Variants in MIPOL1 observed in about 807,000 individuals in gnomAD.
The protein encoded by MIPOL1 is mirror-image polydactyly gene 1 protein.
A neutral mutation model predicts 60.9 loss-of-function variants in MIPOL1; 57 were observed. The observed-to-expected ratio is 0.94, with a 90% CI of 0.76 to 1.17. The LOEUF is 1.17. Among genes scored for constraint, MIPOL1 ranks in the 50% most tolerant of loss-of-function variants. The pLI is 0.00. For missense variants in MIPOL1, 551 were observed against 511.6 expected, an observed-to-expected ratio of 1.08 and a Z score of -0.74; for synonymous variants, 179 against 168.8, an observed-to-expected ratio of 1.06 and a Z score of -0.47.
chr14:37,285,350 G>T lies in MIPOL1; in HGVS notation c.526G>T (p.Glu176Ter). The change falls in exon 7 of 13, where the codon GAA becomes TAA. Residue 176 changes from glutamate to a stop codon, truncating the protein, a stop_gained. Transcript: ENST00000684589. LOFTEE classifies it high-confidence loss of function. ...LVEEVYFAQK[E>*]RDEAVMSRLQ... ...TGAAGAAGTGTATTTTGCGCAGAAG[G>T]AACGTGATGAAGCTGTTATGTCTAG... 6.2e-7 allele frequency: 1 copy of T among 1,614,010 alleles called. No individual in the cohort carries two copies. The highest frequency in any genetic ancestry group is 1.7e-5 in the Admixed American group (1 of 60,004).
chr14:37,403,736 G>A (rs1436555679), intron 10 of MIPOL1, among the ~76,000 whole-genome samples: 2 of 152,086 alleles, frequency 1.3e-5, no homozygotes, highest in African/African-American at 4.8e-5. Flanking sequence ...CCTGTTAATT[G>A]TCCTGATGTC....
At chr14:37,357,244 G>T (rs2091908853) in intron 9 of MIPOL1, among the ~76,000 whole-genome samples, 2 of 152,200 alleles carry the variant, frequency 1.3e-5, no homozygotes, top group African/African-American at 4.8e-5. Context: ...CAGTTTGCAA[G>T]TATTTTCTCC....
intron 11 of MIPOL1, among the ~76,000 whole-genome samples, chr14:37,491,860 C>T (rs913909311): frequency 4.6e-5 from 7 of 152,174 alleles, no homozygotes; most frequent in Admixed American, 6.5e-5. Flanking sequence ...ACTAGACTGT[C>T]TGATTTGCAG....
In MIPOL1 at chr14:37,328,103, C is replaced by G. The variant is rs768530517; in HGVS notation, c.828+19584C>G. ...TCTCTGCTCACTGCAACCTCCACCC[C>G]CCAAGTTCAATCAATTCTTCTGCCC... On this transcript the variant is annotated intron_variant, in intron 9 of 12. Coordinates refer to ENST00000684589, the MANE Select transcript of MIPOL1 (RefSeq NM_001388067.1). Among the ~76,000 whole-genome samples, 15 of 152,180 alleles carry G rather than the reference C, an allele frequency of 9.9e-5. No homozygotes were observed. The South Asian group carries it at 1.0e-3, about 11-fold the overall frequency.
chr14:37,208,652 G>T (rs1966484624), intron 1 of MIPOL1, among the ~76,000 whole-genome samples: 1 of 152,170 alleles, frequency 6.6e-6, no homozygotes, highest in South Asian at 2.1e-4. Flanking sequence ...ACAGTGCAGT[G>T]GCACAGTCTT....
At chr14:37,295,518 TAA>T (rs1460875962) in intron 7 of MIPOL1, among the ~76,000 whole-genome samples, 3 of 152,114 alleles carry the variant, frequency 2.0e-5, no homozygotes, top group African/African-American at 4.8e-5. Flanking sequence ...GCAAGTTGGA[TAA>T]AGAGTCAAGA....
chr14:37,374,056 A>AT (rs2153502153), intron 10 of MIPOL1, among the ~76,000 whole-genome samples: 1 of 152,164 alleles, frequency 6.6e-6, no homozygotes, highest in East Asian at 1.9e-4. Context: ...TTGTTTCTTG[A>AT]TTTTTTAATG....
At chr14:37,325,035 A>C (rs2088998013) in intron 9 of MIPOL1, among the ~76,000 whole-genome samples, 1 of 152,074 alleles carries the variant, frequency 6.6e-6, no homozygotes, top group African/African-American at 2.4e-5. Context: ...TTTTCCTGTA[A>C]TCGTTAAGAG....
At position 37,351,843 on chromosome 14, in the gene MIPOL1, C is replaced by A. The variant is rs1390934827; in HGVS notation, c.829-17674C>A. Among the ~76,000 whole-genome samples, 513 of 149,336 alleles carry A rather than the reference C, an allele frequency of 3.4e-3. 3 individuals are homozygous for A. Among genetic ancestry groups the A allele is most frequent in the Middle Eastern group, 0.01 (3 of 288 alleles). ...CAGATGAGTAGGTTGTGAAAATTTTCTCCCATTTTGTAGGTTGCCTGTTCA... is the reference window on the plus strand; with the variant it reads ...CAGATGAGTAGGTTGTGAAAATTTTATCCCATTTTGTAGGTTGCCTGTTCA... On this transcript the variant is annotated intron_variant, in intron 9 of 12. Transcript: ENST00000684589.
At chr14:37,289,648 T>C (rs866562019) in intron 7 of MIPOL1, among the ~76,000 whole-genome samples, 1 of 152,166 alleles carries the variant, frequency 6.6e-6, no homozygotes, top group African/African-American at 2.4e-5. Flanking sequence ...TCCAGGAACC[T>C]CCACATGTTC....
chr14:37,293,983 T>G (rs2085353630), intron 7 of MIPOL1, among the ~76,000 whole-genome samples: 1 of 152,120 alleles, frequency 6.6e-6, no homozygotes, highest in African/African-American at 2.4e-5. Context: ...GCACGCAGCT[T>G]GAGATCTGAG....
At chr14:37,220,011 A>G (rs1302015345) in intron 1 of MIPOL1, among the ~76,000 whole-genome samples, 2 of 151,862 alleles carry the variant, frequency 1.3e-5, no homozygotes, top group East Asian at 3.9e-4. Context: ...ATTATCCTAA[A>G]TAAGACATCG....
At chr14:37,398,115 C>T (rs1009543713) in intron 10 of MIPOL1, among the ~76,000 whole-genome samples, 12 of 152,090 alleles carry the variant, frequency 7.9e-5, no homozygotes, top group African/African-American at 2.9e-4. Context: ...GAATGGCCTG[C>T]TTGGGGACCC....
At chr14:37,263,695 A>G (rs992871654) in intron 3 of MIPOL1, among the ~76,000 whole-genome samples, 9 of 152,206 alleles carry the variant, frequency 5.9e-5, no homozygotes, top group African/African-American at 1.9e-4. Context: ...TTATTCTTTA[A>G]GTCCATATGG....
chr14:37,489,643 C>T lies in MIPOL1; in HGVS notation c.1032-10265C>T, dbSNP rs1391631292. ...TCGGATTGGGTCTCTGACTGGACGT[C>T]CTTTTTGTTGATGTTGATGCTATCC... On this transcript the variant is annotated intron_variant, in intron 11 of 12. Transcript: ENST00000684589. Among the ~76,000 whole-genome samples, 4 of 152,272 alleles carry T rather than the reference C, an allele frequency of 2.6e-5. No individual in the cohort carries two copies. In the South Asian group the frequency reaches 8.3e-4, roughly 32 times the overall value.
At position 37,463,085 on chromosome 14, in the gene MIPOL1, G is replaced by A. The variant is rs113214719; in HGVS notation, c.1032-36823G>A. On this transcript the variant is annotated intron_variant, in intron 11 of 12. Transcript: ENST00000684589. ...TGAGACTGGGCAATTTACAAAAGAA[G>A]TAGGTTTATTGCACTTAGCGTTTCA... Among the ~76,000 whole-genome samples, 910 of 152,314 alleles carry A rather than the reference G, an allele frequency of 6.0e-3. 5 individuals carry two copies. Among genetic ancestry groups the A allele is most frequent in the African/African-American group, 0.02 (815 of 41,570 alleles).
intron 9 of MIPOL1, among the ~76,000 whole-genome samples, chr14:37,361,498 G>T (rs1479830795): frequency 6.6e-6 from 1 of 151,198 alleles, no homozygotes; most frequent in African/African-American, 2.4e-5. Flanking sequence ...CTTGCTTTAT[G>T]AATCTGGGTG....
intron 10 of MIPOL1, among the ~76,000 whole-genome samples, chr14:37,391,552 C>G (rs970612300): frequency 2.6e-5 from 4 of 151,866 alleles, no homozygotes; most frequent in Admixed American, 2.0e-4. Flanking sequence ...CATGCCACCA[C>G]GTCCAGCTAA....
At chr14:37,483,065 G>C (rs1282957505) in intron 11 of MIPOL1, among the ~76,000 whole-genome samples, 1 of 150,878 alleles carries the variant, frequency 6.6e-6, no homozygotes, top group East Asian at 1.9e-4. Context: ...ATATGTTTAG[G>C]GAATAATCAC....
Sources: allele counts gnomAD v4.1 joint callset (sites outside exome capture counted in the v4.1 genomes callset), GRCh38; gene constraint gnomAD v4.1.1; transcripts MANE v1.5; gene names NCBI Gene and HGNC (gene_info 2026-07-23, HGNC 2026-07-21).